PCNT: variants seen among roughly 807,000 people sequenced by gnomAD.
PCNT encodes pericentrin.
Under a neutral mutation model 380.4 loss-of-function variants are expected in PCNT, and 319 were observed. The ratio of observed to expected loss-of-function variants is 0.84; its 90% CI spans 0.77 to 0.92. The LOEUF (loss-of-function observed/expected upper bound fraction) is 0.92. PCNT is among the 40% of genes least tolerant of loss of function. The pLI, the probability that PCNT is intolerant of heterozygous loss-of-function variation, is 0.00. For missense variants in PCNT, 4,400 were observed against 4,255.3 expected, an observed-to-expected ratio of 1.03 and a Z score of -0.95; for synonymous variants, 1,845 against 1,735.2, an observed-to-expected ratio of 1.06 and a Z score of -1.57.
intron 1 of PCNT, among the ~76,000 whole-genome samples, chr21:46,325,409 A>C (rs1458347404): frequency 6.6e-6 from 1 of 152,182 alleles, no homozygotes; most frequent in African/African-American, 2.4e-5. Flanking sequence ...GGGAGGGACA[A>C]GACGCCGCCT....
rs1189290962 is a variant in PCNT, at chr21:46,347,468, G to A, written c.988G>A (p.Glu330Lys). ...TGTTTTTCTTGCAGCTGAGCTGAAG[G>A]AGAAGTTACAATCAGAAATGGAGAA... ...RCGQEAAELK[E>K]KLQSEMEKNA... is the part of the protein sequence containing the mutation. Residue 330 changes from glutamate (E) to lysine (K), a missense_variant, in exon 6 of 47, where the codon GAG becomes AAG. By Grantham distance (56) the Glu-to-Lys change is moderately conservative (BLOSUM62 1). Transcript: ENST00000359568. The A allele has an allele frequency of 1.2e-6, 2 of 1,613,284 alleles. No homozygotes were observed. Among genetic ancestry groups the A allele is most frequent in the African/African-American group, 2.7e-5 (2 of 74,880 alleles).
intron 2 of PCNT, among the ~76,000 whole-genome samples, chr21:46,328,255 T>G (rs1441577470): frequency 9.4e-5 from 4 of 42,594 alleles, no homozygotes; most frequent in Admixed American, 4.3e-4. Flanking sequence ...GGTTGGTGTG[T>G]TTTTTTTTTT....
chr21:46,386,371 T>G lies in PCNT; in HGVS notation c.3464+388T>G, dbSNP rs149970041. Among the ~76,000 whole-genome samples, 390 of 152,354 alleles carry G rather than the reference T, an allele frequency of 2.6e-3. 3 individuals carry two copies. The highest frequency in any genetic ancestry group is 4.6e-3 in the Non-Finnish European group (314 of 68,028). ...CCCACATGTCTCGTGGTTCCTGTGC[T>G]TTGGACTGTGTGCAAGTGTCGTGCC... is the stretch of plus-strand genomic sequence containing the variant. On this transcript the variant is annotated intron_variant, in intron 17 of 46. Transcript: ENST00000359568.
intron 16 of PCNT, among the ~76,000 whole-genome samples, chr21:46,383,864 A>G (rs1316637361): frequency 9.2e-3 from 697 of 76,132 alleles, no homozygotes; most frequent in East Asian, 0.018. Flanking sequence ...ATATTCAGTG[A>G]CGGAAGCGCA....
intron 15 of PCNT, among the ~76,000 whole-genome samples, chr21:46,371,214 C>T (rs866331202): frequency 0.036 from 4,957 of 136,674 alleles, 128 homozygotes; most frequent in Middle Eastern, 0.073. Flanking sequence ...TTCTTTCTTT[C>T]TTTTTTTTTT....
chr21:46,399,494 T>C, intron 24 of PCNT, 96 bp from the exon 25 acceptor site: 1 of 892,974 alleles, frequency 1.1e-6, no homozygotes, highest in Non-Finnish European at 1.9e-6. Flanking sequence ...ATAGGGCATC[T>C]ATTTTGTCTC....
At chr21:46,332,196 G>A (rs1028931052) in intron 2 of PCNT, among the ~76,000 whole-genome samples, 5 of 152,198 alleles carry the variant, frequency 3.3e-5, no homozygotes, top group Admixed American at 2.0e-4. Context: ...TTGCTCAGAG[G>A]TCAAGAATTT....
rs1290073918 is a variant in PCNT, at chr21:46,334,436, C to T, written c.307C>T (p.Gln103Ter). 3 of 1,614,124 alleles carry T rather than the reference C, an allele frequency of 1.9e-6. No homozygotes were observed. The Admixed American group carries it at 5.0e-5, about 27-fold the overall frequency. The stretch of plus-strand genomic sequence containing the variant: ...TGGAGAGAAGAGAGAGGACTTGGAA[C>T]AGCTGCAGCAGAAGCAAGTCAATGA... ...CDGEKREDLEQLQQKQVNDHP... is the reference protein window; with the variant it reads ...CDGEKREDLE The change falls in exon 3 of 47, where the codon CAG (glutamine) becomes TAG (stop). Residue 103 changes from glutamine (Q) to a stop codon, truncating the protein, a stop_gained. Transcript: ENST00000359568. LOFTEE classifies it high-confidence loss of function.
intron 13 of PCNT, among the ~76,000 whole-genome samples, chr21:46,360,609 C>T (rs1215284952): frequency 6.7e-6 from 1 of 149,942 alleles, no homozygotes; most frequent in Admixed American, 6.7e-5. Flanking sequence ...AGCTCCGCCT[C>T]CCAGGTTCAC....
At chr21:46,430,849 C>G (rs944843598) in intron 37 of PCNT, 192 bp downstream of exon 37, 1 of 985,302 alleles carries the variant, frequency 1.0e-6, no homozygotes. Flanking sequence ...CACCACAGGG[C>G]GAAGAGTGCG....
intron 29 of PCNT, among the ~76,000 whole-genome samples, chr21:46,413,829 C>G (rs1046566434): frequency 6.6e-6 from 1 of 152,186 alleles, no homozygotes; most frequent in African/African-American, 2.4e-5. Context: ...TTGACCATCT[C>G]AAATTGTAGC....
chr21:46,381,568 C>T (rs968998494), intron 15 of PCNT, 126 bp from the exon 16 acceptor site: 6 of 855,380 alleles, frequency 7.0e-6, no homozygotes, highest in Non-Finnish European at 1.2e-5. Context: ...TGGTCTGGCT[C>T]ATCCCGGCTC....
intron 15 of PCNT, among the ~76,000 whole-genome samples, chr21:46,378,283 C>G (rs1338989565): frequency 1.3e-5 from 2 of 152,136 alleles, no homozygotes; most frequent in African/African-American, 4.8e-5. Flanking sequence ...AAAGGAATCA[C>G]CCTGTGGTGT....
intron 11 of PCNT, among the ~76,000 whole-genome samples, chr21:46,355,192 C>G (rs562517108): frequency 1.2e-4 from 19 of 152,318 alleles, no homozygotes; most frequent in South Asian, 8.3e-4. Context: ...GCCCTGCCGC[C>G]CTGAGGAGCA....
Position 46,445,019 on chromosome 21 carries a change from C to A in PCNT, c.9967+198C>A, listed in dbSNP as rs77487457. Among the ~76,000 whole-genome samples, 4,646 of 152,232 alleles carry A rather than the reference C, an allele frequency of 0.031. 99 individuals carry two copies. Among genetic ancestry groups the A allele is most frequent in the Non-Finnish European group, 0.048 (3,291 of 68,018 alleles). ...GTCTAAGCCAGTGTACTCAGTGATA[C>A]GTGCTGAGGTCAGTTTGACTTAATC... On this transcript the variant is annotated intron_variant, in intron 46 of 46. Coordinates refer to ENST00000359568, the MANE Select transcript of PCNT (RefSeq NM_006031.6).
At chr21:46,370,664 G>A (rs111957794) in intron 15 of PCNT, among the ~76,000 whole-genome samples, 2,218 of 152,184 alleles carry the variant, frequency 0.015, 47 homozygotes, top group African/African-American at 0.051. Context: ...CCAGGGCTTC[G>A]GGAGGCCACA....
At chr21:46,396,993 G>A (rs1013644350) in intron 21 of PCNT, among the ~76,000 whole-genome samples, 1 of 152,146 alleles carries the variant, frequency 6.6e-6, no homozygotes, top group Non-Finnish European at 1.5e-5. Context: ...TCGTCTGCTG[G>A]GACTGGGCTT....
intron 15 of PCNT, among the ~76,000 whole-genome samples, chr21:46,378,849 A>C (rs1210267465): frequency 6.6e-6 from 1 of 152,178 alleles, no homozygotes; most frequent in African/African-American, 2.4e-5. Flanking sequence ...CTTTGTGCTC[A>C]TATTGTCGTA....
At chr21:46,404,136 T>C (rs2086550897) in intron 27 of PCNT, among the ~76,000 whole-genome samples, 1 of 99,830 alleles carries the variant, frequency 1.0e-5, no homozygotes, top group Non-Finnish European at 1.9e-5. Flanking sequence ...CGTGGGAGAA[T>C]TGTGTGTGTG....
Sources: allele counts gnomAD v4.1 joint callset (sites outside exome capture counted in the v4.1 genomes callset), GRCh38; gene constraint gnomAD v4.1.1; transcripts MANE v1.5; gene names NCBI Gene and HGNC (gene_info 2026-07-23, HGNC 2026-07-21).